FOCAD: variants seen among roughly 807,000 people sequenced by gnomAD.
FOCAD encodes the protein KIAA1797.
A neutral mutation model predicts 225.6 loss-of-function variants in FOCAD; 198 were observed. That is an observed-to-expected ratio of 0.88 (90% CI 0.78 to 0.99). FOCAD has a LOEUF of 0.99. Ranked by LOEUF, FOCAD falls within the 50% of genes least tolerant of loss-of-function variation. The pLI, the probability that FOCAD is intolerant of heterozygous loss-of-function variation, is 0.00. For synonymous variants in FOCAD, 897 were observed against 755.0 expected (o/e 1.19, Z -3.08); for missense variants, 2,713 against 2,123.6 (o/e 1.28, Z -5.46).
Position 20,986,283 on chromosome 9 carries a change from T to TTTTTTTTTTTTTTTTTTTTTTTTTTTG in FOCAD, c.4729-5_4729-4insTTTTTTTTTTTTTTTTTTTTTTTTTTG. 7.4e-6 allele frequency: 11 copies of TTTTTTTTTTTTTTTTTTTTTTTTTTTG among 1,476,872 alleles called. No individual in the cohort carries two copies. The highest frequency in any genetic ancestry group is 2.5e-5 in the East Asian group (1 of 40,752). The allele number at this position is 1,476,872 out of a possible 1,614,324, so 91.5% of individuals were successfully genotyped here. On this transcript the variant is annotated splice_polypyrimidine_tract_variant and splice_region_variant and intron_variant, in intron 39 of 43. Transcript: ENST00000338382. The stretch of plus-strand genomic sequence containing the variant: ...ACTAAACAATTTTTTTTTTTTTTTT[T>TTTTTTTTTTTTTTTTTTTTTTTTTTTG]GCAGAGCAACATAGAAAAAGCTGCC...
chr9:20,981,073 G>A (rs1564238011), intron 37 of FOCAD, among the ~76,000 whole-genome samples: 1 of 152,186 alleles, frequency 6.6e-6, no homozygotes, highest in Non-Finnish European at 1.5e-5. Context: ...GCCAGAGAAT[G>A]TGACCTTTTA....
chr9:20,745,223 T>C (rs1318773891), intron 5 of FOCAD, among the ~76,000 whole-genome samples: 3 of 151,712 alleles, frequency 2.0e-5, no homozygotes, highest in Non-Finnish European at 4.4e-5. Context: ...TATCCTCCCA[T>C]CTCAGCTCCC....
intron 2 of FOCAD, among the ~76,000 whole-genome samples, chr9:20,675,136 A>G (rs1822195436): frequency 6.6e-6 from 1 of 152,190 alleles, no homozygotes; most frequent in Admixed American, 6.5e-5. Context: ...CCAGCCCTGA[A>G]CCACATGGCC....
At chr9:20,720,608 GA>G in intron 4 of FOCAD, 74 bp downstream of exon 4, 1 of 1,443,468 alleles carries the variant, frequency 6.9e-7, no homozygotes, top group South Asian at 1.3e-5. Flanking sequence ...TCACTATTAA[GA>G]GTCAGCATTC....
intron 11 of FOCAD, among the ~76,000 whole-genome samples, chr9:20,814,722 A>G (rs1823475289): frequency 6.6e-6 from 1 of 152,086 alleles, no homozygotes; most frequent in South Asian, 2.1e-4. Context: ...ACTTACATCA[A>G]TATCTAACAA....
intron 43 of FOCAD, among the ~76,000 whole-genome samples, chr9:20,994,977 A>AAT (rs1042561047): frequency 1.1e-4 from 7 of 63,510 alleles, no homozygotes; most frequent in African/African-American, 4.0e-4. Context: ...ATTCTAAAAT[A>AAT]AGATATAAAA....
chr9:20,742,110 A>G (rs184929690), intron 5 of FOCAD, among the ~76,000 whole-genome samples: 15 of 152,146 alleles, frequency 9.9e-5, no homozygotes, highest in African/African-American at 3.4e-4. Flanking sequence ...ATTAGCCGTC[A>G]CTCCATATTT....
At chr9:20,905,202 A>G (rs911707859) in intron 21 of FOCAD, among the ~76,000 whole-genome samples, 2 of 151,990 alleles carry the variant, frequency 1.3e-5, no homozygotes, top group Non-Finnish European at 2.9e-5. Flanking sequence ...GAAGCTTTCT[A>G]CTGTGCTCCT....
At chr9:20,787,042 T>C (rs1383381323) in intron 10 of FOCAD, 3 of 409,386 alleles carry the variant, frequency 7.3e-6, no homozygotes, top group Non-Finnish European at 1.4e-5. Flanking sequence ...CAGCTGTCAC[T>C]CAATGGGACA....
At chr9:20,672,714 G>T (rs1220162276) in intron 2 of FOCAD, among the ~76,000 whole-genome samples, 1 of 152,182 alleles carries the variant, frequency 6.6e-6, no homozygotes, top group East Asian at 1.9e-4. Context: ...GCCTCTCAAA[G>T]TGTTAGGATT....
At chr9:20,671,555 C>T (rs1298355193) in intron 2 of FOCAD, among the ~76,000 whole-genome samples, 1 of 151,904 alleles carries the variant, frequency 6.6e-6, no homozygotes, top group African/African-American at 2.4e-5. Flanking sequence ...ACCTATTGGC[C>T]GTCCTTGCAA....
intron 21 of FOCAD, among the ~76,000 whole-genome samples, chr9:20,902,378 G>A (rs1035747536): frequency 3.3e-5 from 5 of 151,880 alleles, no homozygotes; most frequent in Non-Finnish European, 5.9e-5. Flanking sequence ...CTTGGGAATC[G>A]GTTCGTAATT....
At chr9:20,780,547 A>T (rs982111840) in intron 9 of FOCAD, among the ~76,000 whole-genome samples, 2 of 152,240 alleles carry the variant, frequency 1.3e-5, no homozygotes, top group African/African-American at 4.8e-5. Flanking sequence ...GAAAGTAAGG[A>T]AGAACTGTGG....
At chr9:20,881,709 G>T (rs1830678696) in intron 19 of FOCAD, among the ~76,000 whole-genome samples, 162 bp from the exon 20 acceptor site, 1 of 152,052 alleles carries the variant, frequency 6.6e-6, no homozygotes, top group African/African-American at 2.4e-5. Flanking sequence ...TTCTAATTTG[G>T]AGGAAGACTA....
chr9:20,772,814 T>G (rs1216202186), intron 8 of FOCAD, among the ~76,000 whole-genome samples: 1 of 152,190 alleles, frequency 6.6e-6, no homozygotes, highest in East Asian at 1.9e-4. Flanking sequence ...GCCAATCTTA[T>G]GATTAGAATG....
intron 15 of FOCAD, among the ~76,000 whole-genome samples, chr9:20,836,775 T>A (rs1381127284): frequency 1.3e-5 from 2 of 152,094 alleles, no homozygotes; most frequent in African/African-American, 4.8e-5. Context: ...TTATTTTTTT[T>A]AATAGAATAC....
intron 15 of FOCAD, among the ~76,000 whole-genome samples, chr9:20,852,953 G>T (rs1319524808): frequency 6.6e-6 from 1 of 151,558 alleles, no homozygotes. Context: ...TTATCTTGGA[G>T]TCTAACCTCT....
chr9:20,815,579 ATTT>A (rs1462019673), intron 11 of FOCAD, among the ~76,000 whole-genome samples: 5 of 151,630 alleles, frequency 3.3e-5, no homozygotes, highest in African/African-American at 9.7e-5. Context: ...TGCTGGCAAG[ATTT>A]CTGCTGAGAA....
intron 3 of FOCAD, among the ~76,000 whole-genome samples, chr9:20,719,984 T>C (rs541599279): frequency 5.3e-5 from 8 of 152,186 alleles, no homozygotes; most frequent in Non-Finnish European, 1.2e-4. Flanking sequence ...GTTATTGTCA[T>C]TGAAGGCTTA....
Sources: allele counts gnomAD v4.1 joint callset (sites outside exome capture counted in the v4.1 genomes callset), GRCh38; gene constraint gnomAD v4.1.1; transcripts MANE v1.5; gene names NCBI Gene and HGNC (gene_info 2026-07-23, HGNC 2026-07-21).